The following RSF1 variants were observed in gnomAD, a reference collection of about 807,000 sequenced individuals.
RSF1 encodes remodeling and spacing factor 1.
RSF1 carries 13 observed loss-of-function variants against 145.2 expected under a neutral mutation model. The ratio of observed to expected loss-of-function variants is 0.09; its 90% confidence interval spans 0.06 to 0.14. The LOEUF is 0.14. Ranked by LOEUF, RSF1 falls within the 10% of genes least tolerant of loss-of-function variation. The pLI, the probability that RSF1 is intolerant of heterozygous loss-of-function variation, is 1.00. For missense variants in RSF1, 1,517 were observed against 1,718.2 expected (o/e 0.88, Z 2.07); for synonymous variants, 577 against 592.6 (o/e 0.97, Z 0.38).
chr11:77,795,851 CT>C (rs1216766761), intron 1 of RSF1, among the ~76,000 whole-genome samples: 1 of 152,108 alleles, frequency 6.6e-6, no homozygotes, highest in Non-Finnish European at 1.5e-5. Flanking sequence ...TGGTCCTGGA[CT>C]TTTTTTGGTT....
intron 1 of RSF1, among the ~76,000 whole-genome samples, chr11:77,796,108 T>C (rs1358527992): frequency 6.6e-6 from 1 of 152,168 alleles, no homozygotes; most frequent in Non-Finnish European, 1.5e-5. Context: ...TTTTCTTTTT[T>C]ATTAGTATTC....
intron 1 of RSF1, among the ~76,000 whole-genome samples, chr11:77,791,660 A>T (rs913495362): frequency 1.3e-5 from 2 of 152,154 alleles, no homozygotes; most frequent in African/African-American, 4.8e-5. Context: ...TCATTTCTCT[A>T]AAGTTCAAAG....
At chr11:77,821,024 C>A (rs1346013631), upstream of RSF1, 3 of 234,148 alleles carry the variant, frequency 1.3e-5, no homozygotes, top group African/African-American at 7.2e-5. Context: ...ACAAGGGAAG[C>A]GGGGCGGGGA....
chr11:77,712,399 T>C (rs1960708783), intron 5 of RSF1, among the ~76,000 whole-genome samples: 1 of 152,212 alleles, frequency 6.6e-6, no homozygotes, highest in African/African-American at 2.4e-5. Flanking sequence ...CTTTATAAAT[T>C]ACCCAGTCTC....
chr11:77,773,463 TG>T (rs1159506959), intron 1 of RSF1, among the ~76,000 whole-genome samples: 3 of 152,234 alleles, frequency 2.0e-5, no homozygotes, highest in Non-Finnish European at 4.4e-5. Flanking sequence ...ATATGCTCAA[TG>T]GGGGCAAACA....
chr11:77,737,201 A>C (rs1961375052), intron 4 of RSF1, among the ~76,000 whole-genome samples: 1 of 152,150 alleles, frequency 6.6e-6, no homozygotes, highest in Non-Finnish European at 1.5e-5. Context: ...TAATCCCAGC[A>C]CTTTGGGAGG....
chr11:77,766,852 G>C (rs1948231465), intron 1 of RSF1, among the ~76,000 whole-genome samples: 1 of 152,148 alleles, frequency 6.6e-6, no homozygotes, highest in Non-Finnish European at 1.5e-5. Flanking sequence ...TGTTTTAGGA[G>C]GTGGGGTGCA....
At chr11:77,870,329 A>ATTTTTTTTTTTTTTTTTTTTTT in the RSF1 span, among the ~76,000 whole-genome samples, 1 of 87,982 alleles carries the variant, frequency 1.1e-5, no homozygotes, top group Non-Finnish European at 2.2e-5. Context: ...CTATTTTTTA[A>ATTTTTTTTTTTTTTTTTTTTTT]TTTTTTTTTT....
chr11:77,704,753 G>T (rs1465807693), intron 5 of RSF1, among the ~76,000 whole-genome samples: 14 of 134,516 alleles, frequency 1.0e-4, no homozygotes, highest in East Asian at 8.5e-4. Context: ...GTTTGCCTTG[G>T]TTTTTTTTTT....
chr11:77,676,818 G>A lies in RSF1; in HGVS notation c.3315C>T (p.Ser1105=), dbSNP rs146302889. 3.8e-5 allele frequency: 62 copies of A among 1,613,684 alleles called. No homozygotes were observed. Among genetic ancestry groups the A allele is most frequent in the African/African-American group, 2.5e-4 (19 of 74,874 alleles). ...CATCACTGATCTTGAATTCATCCTC[G>A]CTCTCTTCTTCATCCAGGTTGCTAT... ...DSDSNLDEEE[S]EDEFKISDGS... Residue 1105 remains serine, a synonymous_variant, in exon 13 of 16, where the codon AGC becomes AGT. Transcript: ENST00000308488.
intron 7 of RSF1, 31 bp downstream of exon 7, chr11:77,698,456 T>G: frequency 8.2e-6 from 13 of 1,585,406 alleles, no homozygotes; most frequent in African/African-American, 1.3e-5. Context: ...GTCTGTAATA[T>G]GAGTATTCTT....
the RSF1 span, among the ~76,000 whole-genome samples, chr11:77,866,909 C>CA: frequency 6.6e-6 from 1 of 151,928 alleles, no homozygotes; most frequent in Non-Finnish European, 1.5e-5. Context: ...GGCACAATCT[C>CA]AGCTCACTGC....
intron 5 of RSF1, among the ~76,000 whole-genome samples, chr11:77,708,193 G>A (rs1250836542): frequency 3.9e-5 from 6 of 152,180 alleles, no homozygotes; most frequent in Non-Finnish European, 8.8e-5. Context: ...GCCAAAGTGG[G>A]CAGATCATTT....
rs1201591996 is a variant in RSF1 at position 77,785,817 on chromosome 11, T to A, written c.188-21128A>T. Among the ~76,000 whole-genome samples, 4 of 142,268 alleles carry A rather than the reference T, an allele frequency of 2.8e-5. No individual in the cohort carries two copies. In the East Asian group the frequency reaches 8.4e-4, roughly 30 times the overall value. 93.3% of individuals were successfully genotyped at this position (142,268 alleles called of 152,430 possible). ...GGCGGGCACCTGTAGTCCCAGCTAC[T>A]CGGGAGGCTGAGGCAGGAGAATGGC... is the stretch of plus-strand genomic sequence containing the variant. On this transcript the variant is annotated intron_variant, in intron 1 of 15. Coordinates refer to ENST00000308488, the MANE Select transcript of RSF1 (RefSeq NM_016578.4).
chr11:77,686,657 G>A (rs1324735290), intron 9 of RSF1, among the ~76,000 whole-genome samples: 2 of 151,874 alleles, frequency 1.3e-5, no homozygotes, highest in Non-Finnish European at 2.9e-5. Context: ...TTTAGAGATA[G>A]GTTGTGATGC....
At position 77,698,638 on chromosome 11, in the gene RSF1, T is replaced by A. The variant is rs1042040250; in HGVS notation, c.2564A>T (p.Lys855Ile). The A allele has an allele frequency of 6.2e-7, 1 of 1,614,062 alleles. No homozygotes were observed. The highest frequency in any genetic ancestry group is 1.3e-5 in the African/African-American group (1 of 74,932). ...WTGSRTRGRW[K>I]YSSNDESEGS... ...TTCACTTTCATCATTGCTGGAATAT[T>A]TCCATCTGCCACGTGTCCGAGAACC... The change falls in exon 7 of 16, where the codon AAA becomes ATA. Residue 855 changes from lysine (K) to isoleucine (I), a missense_variant. Around this residue, in one of 12 missense-constraint regions of RSF1, gnomAD observed 579 missense variants for 553.5 expected, o/e 1.05. Coordinates refer to ENST00000308488, the MANE Select transcript of RSF1 (RefSeq NM_016578.4).
At chr11:77,767,224 AT>A (rs1411102751) in intron 1 of RSF1, among the ~76,000 whole-genome samples, 1 of 152,106 alleles carries the variant, frequency 6.6e-6, no homozygotes, top group African/African-American at 2.4e-5. Context: ...ACTTTCTTCA[AT>A]TTCTCCTTTT....
the RSF1 span, among the ~76,000 whole-genome samples, chr11:77,827,589 T>G: frequency 1.3e-5 from 2 of 152,204 alleles, no homozygotes; most frequent in Non-Finnish European, 2.9e-5. Context: ...TTCTTTCATG[T>G]TAAAAATAAT....
intron 1 of RSF1, among the ~76,000 whole-genome samples, chr11:77,807,242 T>G (rs1948686422): frequency 6.6e-6 from 1 of 152,224 alleles, no homozygotes; most frequent in South Asian, 2.1e-4. Flanking sequence ...TGCCGTTCCC[T>G]GCCTCGAATG....
Sources: gnomAD v4.1 joint callset for allele counts (sites outside exome capture counted in the v4.1 genomes callset) on GRCh38, gnomAD v4.1.1 for gene constraint, gnomAD v4.1.1 regional missense constraint, MANE v1.5 for transcripts, NCBI Gene and HGNC (gene_info 2026-07-23, HGNC 2026-07-21) for gene names.